Variants in NPFFR2 observed in about 807,000 individuals in gnomAD.
NPFFR2 encodes the protein G-protein coupled receptor 74.
A neutral mutation model predicts 13.1 loss-of-function variants in NPFFR2; 15 were observed. The observed-to-expected ratio is 1.15, with a 90% confidence interval of 0.77 to 1.76. The LOEUF (loss-of-function observed/expected upper bound fraction) is 1.76. Ranked by LOEUF, NPFFR2 falls within the 40% of genes most tolerant of loss-of-function variation. The pLI, the probability that NPFFR2 is intolerant of heterozygous loss-of-function variation, is 0.00. For missense variants in NPFFR2, 572 were observed against 503.5 expected, an observed-to-expected ratio of 1.14 and a Z score of -1.30; for synonymous variants, 190 against 175.7, an observed-to-expected ratio of 1.08 and a Z score of -0.65.
chr4:72,080,687 C>A (rs911531340), intron 1 of NPFFR2, among the ~76,000 whole-genome samples: 1 of 152,066 alleles, frequency 6.6e-6, no homozygotes, highest in African/African-American at 2.4e-5. Context: ...GAACTAGGAG[C>A]TATGTTCTCC....
intron 1 of NPFFR2, among the ~76,000 whole-genome samples, chr4:72,087,930 A>G (rs913668726): frequency 1.7e-4 from 26 of 152,052 alleles, no homozygotes; most frequent in African/African-American, 6.3e-4. Flanking sequence ...TTTTTCTGGC[A>G]TCATCCCCCC....
chr4:72,135,287 C>T (rs999424637), intron 2 of NPFFR2, among the ~76,000 whole-genome samples: 4 of 151,902 alleles, frequency 2.6e-5, no homozygotes, highest in Non-Finnish European at 2.9e-5. Context: ...GATATAAATT[C>T]GGGCTTTGCA....
rs781389193 is a variant in NPFFR2 at position 72,147,699 on chromosome 4, A to G, written c.1150A>G (p.Thr384Ala). The change falls in exon 4 of 4, where the codon ACA becomes GCA. Residue 384 changes from threonine to alanine, a missense_variant. Physicochemically the swap from Thr to Ala is moderately conservative, Grantham distance 58. Coordinates refer to ENST00000308744, the MANE Select transcript of NPFFR2 (RefSeq NM_004885.3). The stretch of plus-strand genomic sequence containing the variant: ...ATCTAATCAGCTTGTCCAGGAATCT[A>G]CATTTCAAAACCCTCATGGGGAAAC... Reference protein sequence around the residue: ...NTSNQLVQESTFQNPHGETLL... With the variant: ...NTSNQLVQESAFQNPHGETLL... The G allele has an allele frequency of 5.0e-6, 8 of 1,614,010 alleles. No individual in the cohort carries two copies. In the Admixed American group the frequency reaches 6.7e-5, roughly 13 times the overall value.
chr4:72,094,811 CT>C (rs1721014943), intron 1 of NPFFR2, among the ~76,000 whole-genome samples: 1 of 152,222 alleles, frequency 6.6e-6, no homozygotes, highest in Non-Finnish European at 1.5e-5. Context: ...AATCCATCCA[CT>C]TCAAAAAGTC....
chr4:72,050,663 G>T (rs1311191692), intron 1 of NPFFR2, among the ~76,000 whole-genome samples: 3 of 151,748 alleles, frequency 2.0e-5, no homozygotes, highest in African/African-American at 7.3e-5. Context: ...TGCACAATGT[G>T]CAGGTTAGTT....
Position 72,128,760 on chromosome 4 carries a change from T to C in NPFFR2, c.169T>C (p.Phe57Leu). 1 of 1,614,162 alleles carries C rather than the reference T, an allele frequency of 6.2e-7. No homozygotes were observed. Among genetic ancestry groups the C allele is most frequent in the Non-Finnish European group, 8.5e-7 (1 of 1,180,016 alleles). Reference protein sequence around the residue: ...IFIISYFLIFFLCMMGNTVVC... With the variant: ...IFIISYFLIFLLCMMGNTVVC... ...CATTATTTCCTACTTTCTGATCTTC[T>C]TTTTGTGCATGATGGGAAATACTGT... Residue 57 changes from phenylalanine (F) to leucine (L), a missense_variant, in exon 2 of 4, where the codon TTT (phenylalanine) becomes CTT (leucine). Phe to Leu is a conservative substitution (Grantham distance 22). Coordinates refer to ENST00000308744, the MANE Select transcript of NPFFR2 (RefSeq NM_004885.3).
At chr4:72,073,253 A>AT (rs1269622672) in intron 1 of NPFFR2, among the ~76,000 whole-genome samples, 1 of 152,000 alleles carries the variant, frequency 6.6e-6, no homozygotes, top group Non-Finnish European at 1.5e-5. Context: ...TGGATACCCC[A>AT]TTTTTCATGA....
rs145117086 is a variant in NPFFR2 at position 72,062,611 on chromosome 4, C to T, written c.-8+30411C>T. ...GAAATTGTAGCTTCTTGCATAAAGA[C>T]GTGAAATCTTCCCGATCCCTTTAAT... On this transcript the variant is annotated intron_variant, in intron 1 of 3. Transcript: ENST00000308744. Among the ~76,000 whole-genome samples, 51 of 151,884 alleles carry T rather than the reference C, an allele frequency of 3.4e-4. 1 individual carries two copies. Among genetic ancestry groups the T allele is most frequent in the Middle Eastern group, 3.5e-3 (1 of 288 alleles).
chr4:72,098,544 C>A (rs1479171457), intron 1 of NPFFR2, among the ~76,000 whole-genome samples: 1 of 143,472 alleles, frequency 7.0e-6, no homozygotes, highest in Non-Finnish European at 1.5e-5. Flanking sequence ...TAGGACAATT[C>A]TTCTTCTTCC....
intron 3 of NPFFR2, among the ~76,000 whole-genome samples, chr4:72,138,404 C>G (rs1317373306): frequency 6.6e-6 from 1 of 151,830 alleles, no homozygotes; most frequent in Non-Finnish European, 1.5e-5. Context: ...AATGTTATCC[C>G]TGCCCCTGCC....
At chr4:72,131,297 C>T (rs1307250118) in intron 2 of NPFFR2, among the ~76,000 whole-genome samples, 1 of 151,890 alleles carries the variant, frequency 6.6e-6, no homozygotes, top group East Asian at 1.9e-4. Context: ...CTAGTATTTC[C>T]TTGCCTCCTG....
chr4:72,071,547 T>C (rs1458055711), intron 1 of NPFFR2, among the ~76,000 whole-genome samples: 5 of 152,174 alleles, frequency 3.3e-5, no homozygotes, highest in Non-Finnish European at 7.3e-5. Flanking sequence ...AGGCTTGCAG[T>C]TGAAGACTTG....
intron 1 of NPFFR2, among the ~76,000 whole-genome samples, chr4:72,094,307 T>A (rs1386511263): frequency 1.3e-5 from 2 of 152,224 alleles, no homozygotes; most frequent in Non-Finnish European, 2.9e-5. Flanking sequence ...TTTGTGTTCG[T>A]TGGCCTCAAG....
intron 1 of NPFFR2, among the ~76,000 whole-genome samples, chr4:72,121,490 G>A (rs1340133476): frequency 6.6e-6 from 1 of 152,044 alleles, no homozygotes; most frequent in African/African-American, 2.4e-5. Flanking sequence ...AATCTTAAGG[G>A]CAACCAGAGA....
intron 1 of NPFFR2, among the ~76,000 whole-genome samples, chr4:72,095,553 T>C (rs1721041459): frequency 6.6e-6 from 1 of 152,180 alleles, no homozygotes; most frequent in African/African-American, 2.4e-5. Flanking sequence ...CATTATAATA[T>C]TTAATTAAAT....
intron 1 of NPFFR2, among the ~76,000 whole-genome samples, chr4:72,085,232 G>A (rs1720732507): frequency 6.6e-6 from 1 of 152,082 alleles, no homozygotes; most frequent in Non-Finnish European, 1.5e-5. Flanking sequence ...GACATGAGGT[G>A]GCTCTCAGCT....
At chr4:72,146,372 G>T (rs1722782444) in intron 3 of NPFFR2, among the ~76,000 whole-genome samples, 1 of 152,100 alleles carries the variant, frequency 6.6e-6, no homozygotes. Flanking sequence ...AGAAGGACCT[G>T]CCCCACATGC....
At chr4:72,046,877 G>A (rs1424887152) in intron 1 of NPFFR2, among the ~76,000 whole-genome samples, 1 of 152,188 alleles carries the variant, frequency 6.6e-6, no homozygotes, top group African/African-American at 2.4e-5. Context: ...AGGTTTCAGA[G>A]GGAAATGAAG....
chr4:72,046,918 A>G (rs1427207770), intron 1 of NPFFR2, among the ~76,000 whole-genome samples: 3 of 152,176 alleles, frequency 2.0e-5, no homozygotes, highest in Non-Finnish European at 2.9e-5. Context: ...GGTAAAGTCC[A>G]TCCTTGTTTT....
Sources: allele counts gnomAD v4.1 joint callset (sites outside exome capture counted in the v4.1 genomes callset), GRCh38; gene constraint gnomAD v4.1.1; transcripts MANE v1.5; gene names NCBI Gene and HGNC (gene_info 2026-07-23, HGNC 2026-07-21).